ACSL6: variants seen among roughly 807,000 people sequenced by gnomAD.
The protein encoded by ACSL6 is long-chain-fatty-acid--CoA ligase 6.
In ACSL6, 47 loss-of-function variants were observed where a neutral mutation model predicts 98.2. That is an observed-to-expected ratio of 0.48 (90% CI 0.38 to 0.61). The LOEUF is 0.61. ACSL6 is among the 20% of genes least tolerant of loss of function. The pLI is 0.00. For missense variants in ACSL6, 761 were observed against 913.4 expected (o/e 0.83, Z 2.15); for synonymous variants, 362 against 336.9 (o/e 1.07, Z -0.82).
intron 9 of ACSL6, 135 bp downstream of exon 9, chr5:131,985,272 C>A: frequency 9.1e-7 from 1 of 1,095,794 alleles, no homozygotes. Context: ...GGAGGTCACC[C>A]AGTGTCTGGA....
chr5:131,988,923 C>T lies in ACSL6; in HGVS notation c.553-19G>A, dbSNP rs781031221. 4.6e-5 allele frequency: 37 copies of T among 804,426 alleles called. No homozygotes were observed. Among genetic ancestry groups the T allele is most frequent in the East Asian group, 1.1e-4 (3 of 27,656 alleles). 49.8% of individuals were successfully genotyped at this position (804,426 alleles called of 1,614,324 possible). On this transcript the variant is annotated intron_variant, in intron 5 of 20. Coordinates refer to ENST00000651883, the MANE Select transcript of ACSL6 (RefSeq NM_001009185.3). Reference sequence around the variant, plus strand: ...TGATCCACTGTGGAGACACATGAGGCGGGGGTGGGGAAGAAGGGGAGATTA... The same window carrying T: ...TGATCCACTGTGGAGACACATGAGGTGGGGGTGGGGAAGAAGGGGAGATTA...
chr5:131,995,915 G>C (rs375716773), intron 1 of ACSL6, among the ~76,000 whole-genome samples: 28 of 152,352 alleles, frequency 1.8e-4, no homozygotes, highest in African/African-American at 6.3e-4. Context: ...GATGGTTAAA[G>C]TATATGCTTG....
In ACSL6 at chr5:131,990,817, C is replaced by G. The variant is rs773094823; in HGVS notation, c.385+36G>C. The G allele has an allele frequency of 1.3e-5, 20 of 1,513,090 alleles. 2 individuals carry two copies. The South Asian group carries it at 2.3e-4, about 17-fold the overall frequency. The allele number at this position is 1,513,090 out of a possible 1,614,324, so 93.7% of individuals were successfully genotyped here. A position where few individuals can be genotyped will look rare whatever the true frequency, so the allele number is the denominator to read the frequency against. ...TTGCACCCACTCCACCCCTGCCACA[C>G]AGCCCCTCCACACCCCCCCCCACAA... On this transcript the variant is annotated intron_variant, in intron 3 of 20. Coordinates refer to ENST00000651883, the MANE Select transcript of ACSL6 (RefSeq NM_001009185.3).
chr5:131,959,714 T>A, intron 19 of ACSL6, 107 bp from the exon 20 acceptor site: 1 of 1,072,600 alleles, frequency 9.3e-7, no homozygotes, highest in South Asian at 1.3e-5. Context: ...TGTGCCAACA[T>A]GTGCTAACCC....
At chr5:131,982,359 G>A (rs1753950997) in intron 9 of ACSL6, 1 of 151,444 alleles carries the variant, frequency 6.6e-6, no homozygotes, top group South Asian at 2.1e-4. Flanking sequence ...TAGCCGGGAT[G>A]GTCTCGATCT....
intron 10 of ACSL6, 131 bp downstream of exon 10, chr5:131,976,517 T>A: frequency 1.2e-6 from 1 of 817,206 alleles, no homozygotes. Flanking sequence ...AACTCCTGCC[T>A]GTGAATGGCA....
At chr5:131,979,427 T>C (rs907097405) in intron 9 of ACSL6, among the ~76,000 whole-genome samples, 1 of 152,174 alleles carries the variant, frequency 6.6e-6, no homozygotes, top group Non-Finnish European at 1.5e-5. Flanking sequence ...ACTGTCTTCA[T>C]TGATAAAAAA....
At chr5:131,992,716 G>A (rs914860513) in intron 2 of ACSL6, among the ~76,000 whole-genome samples, 1 of 152,110 alleles carries the variant, frequency 6.6e-6, no homozygotes, top group African/African-American at 2.4e-5. Flanking sequence ...GGCACAAACT[G>A]GCCATGTCTC....
chr5:131,998,395 A>G (rs1754898390), intron 1 of ACSL6, among the ~76,000 whole-genome samples: 1 of 152,244 alleles, frequency 6.6e-6, no homozygotes, highest in Admixed American at 6.5e-5. Flanking sequence ...ACCAAGTGGT[A>G]GCTAAGGCTA....
chr5:131,986,914 C>T, intron 7 of ACSL6, 60 bp from the exon 8 acceptor site: 1 of 1,583,124 alleles, frequency 6.3e-7, no homozygotes, highest in Non-Finnish European at 8.6e-7. Flanking sequence ...CTCTTTCTGT[C>T]CCTCTGTCTC....
At chr5:131,969,737 G>A (rs1468869561) in intron 15 of ACSL6, among the ~76,000 whole-genome samples, 1 of 152,130 alleles carries the variant, frequency 6.6e-6, no homozygotes, top group African/African-American at 2.4e-5. Flanking sequence ...GGCCCTTTGA[G>A]AACTACGTTC....
At chr5:131,989,261 G>T in intron 5 of ACSL6, 146 bp downstream of exon 5, 1 of 775,714 alleles carries the variant, frequency 1.3e-6, no homozygotes, top group Non-Finnish European at 2.1e-6. Context: ...GCAGAGCCAG[G>T]GTGGGAAGAG....
intron 11 of ACSL6, 171 bp downstream of exon 11, chr5:131,974,722 G>C: frequency 1.3e-6 from 2 of 1,586,088 alleles, no homozygotes; most frequent in Non-Finnish European, 1.7e-6. Context: ...ATGGGTTCTA[G>C]GCACAGAGTG....
chr5:131,985,284 C>G (rs1240504277), intron 9 of ACSL6, 123 bp downstream of exon 9: 8 of 1,266,144 alleles, frequency 6.3e-6, no homozygotes, highest in African/African-American at 3.0e-5. Context: ...GTGTCTGGAG[C>G]CAGGAACAAG....
At chr5:131,974,712 AT>A (rs752611643) in intron 11 of ACSL6, 180 bp downstream of exon 11, 6 of 1,574,642 alleles carry the variant, frequency 3.8e-6, no homozygotes, top group Admixed American at 1.8e-5. Flanking sequence ...CGCTAGGGTT[AT>A]GGGTTCTAGG....
chr5:131,976,333 G>T lies in ACSL6; in HGVS notation c.990+315C>A, dbSNP rs1753607817. 4 of 661,574 alleles carry T rather than the reference G, an allele frequency of 6.0e-6. No homozygotes were observed. The African/African-American group carries it at 7.9e-5, about 13-fold the overall frequency. The allele number at this position is 661,574 out of a possible 1,614,324, so 41.0% of individuals were successfully genotyped here. A position where few individuals can be genotyped will look rare whatever the true frequency, so the allele number is the denominator to read the frequency against. On this transcript the variant is annotated intron_variant, in intron 10 of 20. Coordinates refer to ENST00000651883, the MANE Select transcript of ACSL6 (RefSeq NM_001009185.3). Reference sequence around the variant, plus strand: ...AATAAAGGTACACACAAAACCATGGGTATATCAATTTTTGAAGTTATTTGA... The same window carrying T: ...AATAAAGGTACACACAAAACCATGGTTATATCAATTTTTGAAGTTATTTGA...
rs777761683 is a variant in ACSL6, at chr5:131,974,967, C to T, written c.994G>A (p.Val332Met). 4.3e-6 allele frequency: 7 copies of T among 1,613,912 alleles called. No individual in the cohort carries two copies. The Admixed American group carries it at 1.2e-4, about 27-fold the overall frequency. ...FSGFLKVTEK[V>M]IFPRQDDVLI... ...ACATCGTCCTGTCTCGGAAAGATCA[C>T]TTTCTGCAGGCGACGGGCATGGGAG... The change falls in exon 11 of 21, where the codon GTG becomes ATG. Residue 332 changes from valine (V) to methionine (M), a missense_variant. Coordinates refer to ENST00000651883, the MANE Select transcript of ACSL6 (RefSeq NM_001009185.3).
intron 18 of ACSL6, among the ~76,000 whole-genome samples, chr5:131,961,645 C>T (rs1752718485): frequency 6.6e-6 from 1 of 151,766 alleles, no homozygotes; most frequent in African/African-American, 2.4e-5. Flanking sequence ...TGCAGTGAGC[C>T]GAGATTGTGC....
chr5:131,994,142 G>C lies in ACSL6; in HGVS notation c.159C>G (p.Thr53=), dbSNP rs1295088020. The change falls in exon 2 of 21, where the codon ACC becomes ACG. Residue 53 remains threonine (T), a synonymous_variant. Coordinates refer to ENST00000651883, the MANE Select transcript of ACSL6 (RefSeq NM_001009185.3). ...CCAGGGCACCCATACTCACGAGGGT[G>C]GTGGCCGAGAGGCTGCGGAAAAACT... ...LGQFFRSLSA[T]TLVSMGALAA... The C allele has an allele frequency of 7.4e-6, 12 of 1,614,124 alleles. No individual in the cohort carries two copies. In the Admixed American group the frequency reaches 1.0e-4, roughly 13 times the overall value.
Sources: gnomAD v4.1 joint callset for allele counts (sites outside exome capture counted in the v4.1 genomes callset) on GRCh38, gnomAD v4.1.1 for gene constraint, MANE v1.5 for transcripts, NCBI Gene and HGNC (gene_info 2026-07-23, HGNC 2026-07-21) for gene names.